Variants in CRAMP1 observed in about 807,000 individuals in gnomAD.
CRAMP1 encodes protein cramped-like.
A neutral mutation model predicts 115.4 loss-of-function variants in CRAMP1; 50 were observed. That is an observed-to-expected ratio of 0.43 (90% CI 0.35 to 0.55). CRAMP1 has a LOEUF of 0.55. Among genes scored for constraint, CRAMP1 ranks in the 20% least tolerant of loss-of-function variants. CRAMP1 has a pLI of 0.01. For synonymous variants in CRAMP1, 866 were observed against 745.4 expected (o/e 1.16, Z -2.64); for missense variants, 1,679 against 1,721.7 (o/e 0.98, Z 0.44).
chr16:1,612,737 G>C (rs957230569), intron 1 of CRAMP1, among the ~76,000 whole-genome samples, 80 bp downstream of exon 1: 2 of 152,074 alleles, frequency 1.3e-5, no homozygotes, highest in Non-Finnish European at 2.9e-5. Flanking sequence ...AGAGCGCGGG[G>C]GGGGCGTCGC....
At chr16:1,664,033 G>A (rs986752298) in intron 13 of CRAMP1, among the ~76,000 whole-genome samples, 2 of 152,176 alleles carry the variant, frequency 1.3e-5, no homozygotes, top group Non-Finnish European at 2.9e-5. Context: ...CCGCTACTAG[G>A]CTGCAGCCTA....
chr16:1,676,056 C>G lies in CRAMP1; in HGVS notation c.*2011C>G, dbSNP rs2036964723. On this transcript the variant is annotated 3_prime_UTR_variant, in exon 21 of 21. Transcript: ENST00000397412. ...TTTCTCATACTCCCACAGGCTAGAC[C>G]AGAGATGCCAAGTCCCAACAGCACT... is the stretch of plus-strand genomic sequence containing the variant. The G allele has an allele frequency of 6.6e-6, 1 of 152,228 alleles. No individual in the cohort carries two copies. The highest frequency in any genetic ancestry group is 2.4e-5 in the African/African-American group (1 of 41,444). 9.4% of individuals were successfully genotyped at this position (152,228 alleles called of 1,614,324 possible).
chr16:1,633,052 G>A (rs2036559294), intron 4 of CRAMP1, among the ~76,000 whole-genome samples: 1 of 152,216 alleles, frequency 6.6e-6, no homozygotes, highest in Non-Finnish European at 1.5e-5. Flanking sequence ...GGTCCTTCCA[G>A]ATGTACCCCC....
At chr16:1,639,456 A>G (rs938501684) in intron 5 of CRAMP1, among the ~76,000 whole-genome samples, 2 of 151,570 alleles carry the variant, frequency 1.3e-5, no homozygotes, top group African/African-American at 4.9e-5. Flanking sequence ...TAAATGAAGT[A>G]GTGGCCAGCA....
intron 6 of CRAMP1, among the ~76,000 whole-genome samples, chr16:1,649,569 A>G (rs1208098481): frequency 1.3e-5 from 2 of 152,026 alleles, no homozygotes; most frequent in African/African-American, 4.8e-5. Context: ...AGCTCACTGC[A>G]AGCTCCGCCT....
rs1349986954 is a variant in CRAMP1, at chr16:1,614,761, A to C, written c.122A>C (p.Glu41Ala). 3.7e-6 allele frequency: 5 copies of C among 1,365,356 alleles called. No individual in the cohort carries two copies. The highest frequency in any genetic ancestry group is 4.8e-6 in the Non-Finnish European group (5 of 1,047,484). 84.6% of individuals were successfully genotyped at this position (1,365,356 alleles called of 1,614,324 possible). A position where few individuals can be genotyped will look rare whatever the true frequency, so the allele number is the denominator to read the frequency against. Residue 41 changes from glutamate to alanine, a missense_variant, in exon 2 of 21, where the codon GAG becomes GCG. By Grantham distance (107) the Glu-to-Ala change is moderately radical. Coordinates refer to ENST00000397412, the MANE Select transcript of CRAMP1 (RefSeq NM_020825.4). The surrounding 1 kb of genome is among the most constrained non-coding windows in gnomAD (Gnocchi z 4.4). ...EGAGGADAAE[E>A]SSGTKRDEKT... is the part of the protein sequence containing the mutation. ...GCCGGCGGCGCAGACGCGGCCGAGG[A>C]GAGCAGCGGCACAAAGAGGGACGAG...
chr16:1,659,610 A>G (rs1486553266), intron 10 of CRAMP1, among the ~76,000 whole-genome samples: 2 of 152,086 alleles, frequency 1.3e-5, no homozygotes, highest in African/African-American at 4.8e-5. Flanking sequence ...GATGGTCTCG[A>G]TCTCCTGACC....
At position 1,614,656 on chromosome 16, in the gene CRAMP1, G is replaced by T; in HGVS notation, c.17G>T (p.Gly6Val). The T allele has an allele frequency of 7.8e-7, 1 of 1,284,252 alleles. No homozygotes were observed. The allele number at this position is 1,284,252 out of a possible 1,614,324, so 79.6% of individuals were successfully genotyped here. Residue 6 changes from glycine to valine, a missense_variant, in exon 2 of 21, where the codon GGC (glycine) becomes GTC (valine). Around this residue, in one of 8 missense-constraint regions of CRAMP1, gnomAD observed 264 missense variants for 229.7 expected, o/e 1.15. Coordinates refer to ENST00000397412, the MANE Select transcript of CRAMP1 (RefSeq NM_020825.4). This position sits in a 1 kb window ranked among gnomAD's most constrained non-coding sequence, Gnocchi z 4.4. MTVKL[G>V]DGGSGEDGLK... The stretch of plus-strand genomic sequence containing the variant: ...GGCCGCAGGATGACAGTGAAGTTGG[G>T]CGACGGCGGCAGCGGGGAGGACGGG...
rs374501457 is a variant in CRAMP1, at chr16:1,656,435, C to G, written c.1678C>G (p.Pro560Ala). ...DLEDELSLLD[P>A]LPRYLKSCQD... ...GGAGGACGAGCTCTCGCTTCTAGAC[C>G]CCTTGCCCCGCTACCTAAAGTCCTG... The change falls in exon 10 of 21, where the codon CCC becomes GCC. Residue 560 changes from proline (P) to alanine (A), a missense_variant. By Grantham distance (27) the Pro-to-Ala change is conservative. Coordinates refer to ENST00000397412, the MANE Select transcript of CRAMP1 (RefSeq NM_020825.4). This position sits in a 1 kb window ranked among gnomAD's most constrained non-coding sequence, Gnocchi z 5.6. The G allele has an allele frequency of 6.3e-7, 1 of 1,585,622 alleles. No individual in the cohort carries two copies. Among genetic ancestry groups the G allele is most frequent in the Admixed American group, 1.8e-5 (1 of 56,148 alleles).
intron 4 of CRAMP1, among the ~76,000 whole-genome samples, chr16:1,635,873 G>T (rs753866609): frequency 6.6e-6 from 1 of 152,176 alleles, no homozygotes; most frequent in African/African-American, 2.4e-5. Flanking sequence ...TACTCTGGAT[G>T]TTTCATAGAA....
intron 5 of CRAMP1, among the ~76,000 whole-genome samples, chr16:1,638,374 C>T (rs140775055): frequency 1.0e-3 from 156 of 152,342 alleles, no homozygotes; most frequent in African/African-American, 3.4e-3. Context: ...TGTCAAGGGC[C>T]GTTGCCCTGC....
intron 6 of CRAMP1, among the ~76,000 whole-genome samples, chr16:1,645,786 G>A (rs893311339): frequency 6.6e-6 from 1 of 152,122 alleles, no homozygotes; most frequent in Non-Finnish European, 1.5e-5. Flanking sequence ...GAGTGTCGTC[G>A]TCACATTGGA....
intron 8 of CRAMP1, among the ~76,000 whole-genome samples, chr16:1,653,727 A>G (rs1437728037): frequency 1.3e-5 from 2 of 151,264 alleles, no homozygotes; most frequent in African/African-American, 4.9e-5. Flanking sequence ...AGGCTGAGGC[A>G]GGAGAATGAC....
At position 1,674,301 on chromosome 16, in the gene CRAMP1, G is replaced by A; in HGVS notation, c.*256G>A. 2 of 520,648 alleles carry A rather than the reference G, an allele frequency of 3.8e-6. No individual in the cohort carries two copies. Among genetic ancestry groups the A allele is most frequent in the South Asian group, 4.7e-5 (2 of 42,640 alleles). 32.3% of individuals were successfully genotyped at this position (520,648 alleles called of 1,614,324 possible). A position where few individuals can be genotyped will look rare whatever the true frequency, so the allele number is the denominator to read the frequency against. On this transcript the variant is annotated 3_prime_UTR_variant, in exon 21 of 21. Transcript: ENST00000397412. ...CGTTCTTCACCACGCCTGGGCCCAT[G>A]TTAGGGTCTGCATAATGATCCCATT... is the stretch of plus-strand genomic sequence containing the variant.
chr16:1,662,871 T>A (rs1232183527), intron 13 of CRAMP1, 36 bp downstream of exon 13: 1 of 1,568,234 alleles, frequency 6.4e-7, no homozygotes, highest in Non-Finnish European at 8.8e-7. Context: ...TGTGGCCTCG[T>A]GGCTGGGCCA....
Position 1,652,575 on chromosome 16 carries a change from C to A in CRAMP1, c.907C>A (p.Pro303Thr). Residue 303 changes from proline to threonine, a missense_variant, in exon 7 of 21, where the codon CCA becomes ACA. This residue lies in a region of CRAMP1 where 191 missense variants were observed against 236.2 expected (regional missense o/e 0.81). Coordinates refer to ENST00000397412, the MANE Select transcript of CRAMP1 (RefSeq NM_020825.4). ...CCGGGCCCTGAAGAAGCTGTGCGAT[C>A]CAGATGGTAAGTGAATGGGGCGCTC... ...MCRALKKLCD[P>T]DGLSDEEDQK... The A allele has an allele frequency of 6.4e-7, 1 of 1,552,622 alleles. No individual in the cohort carries two copies. Among genetic ancestry groups the A allele is most frequent in the Non-Finnish European group, 8.7e-7 (1 of 1,147,408 alleles).
At chr16:1,655,350 G>A in intron 9 of CRAMP1, 50 bp downstream of exon 9, 2 of 1,451,928 alleles carry the variant, frequency 1.4e-6, no homozygotes, top group Non-Finnish European at 1.9e-6. Context: ...TGCCTCTGCT[G>A]CCCAGAGATG....
chr16:1,649,192 G>A (rs568396900), intron 6 of CRAMP1, among the ~76,000 whole-genome samples: 4 of 152,132 alleles, frequency 2.6e-5, no homozygotes, highest in Non-Finnish European at 5.9e-5. Flanking sequence ...TTTTTCTACC[G>A]TCTTGACTCT....
chr16:1,620,692 G>T (rs757504565), intron 2 of CRAMP1: 8 of 456,634 alleles, frequency 1.8e-5, no homozygotes, highest in Middle Eastern at 3.3e-4. Flanking sequence ...GTGCCTTTCG[G>T]TGAGTCATTT....
Sources: allele counts gnomAD v4.1 joint callset (sites outside exome capture counted in the v4.1 genomes callset), GRCh38; gene constraint gnomAD v4.1.1; regional missense constraint gnomAD v4.1.1; non-coding constraint Gnocchi (gnomAD v3.1); transcripts MANE v1.5; gene names NCBI Gene and HGNC (gene_info 2026-07-23, HGNC 2026-07-21).